Variants in PRTG observed in about 807,000 individuals in gnomAD.
The protein encoded by PRTG is protogenin.
PRTG carries 67 observed loss-of-function variants against 122.5 expected under a neutral mutation model. That is an observed-to-expected ratio of 0.55 (90% confidence interval 0.45 to 0.67). The LOEUF (loss-of-function observed/expected upper bound fraction) is 0.67, where lower values mean the gene tolerates loss of function less well. Ranked by LOEUF, PRTG falls within the 30% of genes least tolerant of loss-of-function variation. PRTG has a pLI of 0.00. For synonymous variants in PRTG, 554 were observed against 501.1 expected (o/e 1.11, Z -1.41); for missense variants, 1,435 against 1,415.4 (o/e 1.01, Z -0.22).
At chr15:55,730,707 G>A (rs1343612931) in intron 2 of PRTG, among the ~76,000 whole-genome samples, 1 of 152,122 alleles carries the variant, frequency 6.6e-6, no homozygotes, top group Non-Finnish European at 1.5e-5. Context: ...GGCTGAGGCA[G>A]GAGAATGGCA....
chr15:55,640,967 A>C lies in PRTG; in HGVS notation c.2137+146T>G, dbSNP rs144605634. 9.9e-5 allele frequency: 52 copies of C among 524,484 alleles called. No homozygotes were observed. The East Asian group carries it at 1.6e-3, about 16-fold the overall frequency. The allele number at this position is 524,484 out of a possible 1,614,324, so 32.5% of individuals were successfully genotyped here. ...CGGGAGGCAACAAACAAACAAACAA[A>C]ACAAAAAAACTACGCTATACAGCAC... On this transcript the variant is annotated intron_variant, in intron 12 of 19. Transcript: ENST00000389286.
chr15:55,624,794 T>C (rs2059185870), intron 17 of PRTG, among the ~76,000 whole-genome samples: 1 of 152,244 alleles, frequency 6.6e-6, no homozygotes, highest in African/African-American at 2.4e-5. Flanking sequence ...TTTTAACTTC[T>C]ATTTTCCCCT....
rs1567110553 is a variant in PRTG at position 55,711,192 on chromosome 15, G to A, written c.398-27261C>T. Among the ~76,000 whole-genome samples the A allele has an allele frequency of 2.6e-5, 4 of 151,214 alleles. No homozygotes were observed. In the South Asian group the frequency reaches 6.3e-4, roughly 24 times the overall value. ...CTGCTTTGGCCTCCCAAACTGTTGA[G>A]ATTACAGGCGTGAGCCACTGCGTCC... On this transcript the variant is annotated intron_variant, in intron 2 of 19. Coordinates refer to ENST00000389286, the MANE Select transcript of PRTG (RefSeq NM_173814.6).
chr15:55,623,248 A>G (rs2059176482), intron 18 of PRTG, among the ~76,000 whole-genome samples: 1 of 151,434 alleles, frequency 6.6e-6, no homozygotes, highest in East Asian at 1.9e-4. Flanking sequence ...ATCATCTTGG[A>G]TTTTTTTTTG....
intron 2 of PRTG, among the ~76,000 whole-genome samples, chr15:55,708,171 A>AC (rs2030222010): frequency 6.7e-6 from 1 of 149,978 alleles, no homozygotes; most frequent in Non-Finnish European, 1.5e-5. Flanking sequence ...AAAAAAAAAA[A>AC]AAAAAACAGA....
rs1465755534 is a variant in PRTG, at chr15:55,738,021, T to TACACACAC, written c.397+2360_397+2361insGTGTGTGT. On this transcript the variant is annotated intron_variant, in intron 2 of 19. Coordinates refer to ENST00000389286, the MANE Select transcript of PRTG (RefSeq NM_173814.6). ...CTCTCTCTATATATATATATATATATATATACACACACACACACACACACA... is the reference window on the plus strand; with the variant it reads ...CTCTCTCTATATATATATATATATATACACACACATATACACACACACACACACACACA... 2.5e-3 allele frequency among the ~76,000 whole-genome samples: 253 copies of TACACACAC among 102,864 alleles called. 1 individual carries two copies. The highest frequency in any genetic ancestry group is 7.5e-3 in the African/African-American group (207 of 27,756). 67.5% of individuals were successfully genotyped at this position (102,864 alleles called of 152,430 possible). A position where few individuals can be genotyped will look rare whatever the true frequency, so the allele number is the denominator to read the frequency against.
chr15:55,721,800 GA>G (rs1276569154), intron 2 of PRTG, among the ~76,000 whole-genome samples: 4 of 152,176 alleles, frequency 2.6e-5, no homozygotes, highest in Non-Finnish European at 5.9e-5. Context: ...CAGCAGGAAG[GA>G]AAAGAACAAG....
At chr15:55,646,508 G>A (rs1365680413) in intron 11 of PRTG, among the ~76,000 whole-genome samples, 1 of 145,232 alleles carries the variant, frequency 6.9e-6, no homozygotes, top group Non-Finnish European at 1.5e-5. Context: ...ATTTTTAGTA[G>A]AGACGGGGTT....
At position 55,618,650 on chromosome 15, in the gene PRTG, T is replaced by TA. The variant is rs2059150929; in HGVS notation, c.*1361dup. ...TGACACTGAAGGAAGATTAAGTAGA[T>TA]ACCATATTCTCTAAAGAATTCAAGA... On this transcript the variant is annotated 3_prime_UTR_variant, in exon 20 of 20. Transcript: ENST00000389286. The TA allele has an allele frequency of 6.6e-6, 1 of 152,166 alleles. No individual in the cohort carries two copies. The highest frequency in any genetic ancestry group is 6.6e-5 in the Admixed American group (1 of 15,256). The allele number at this position is 152,166 out of a possible 1,614,324, so 9.4% of individuals were successfully genotyped here. A position where few individuals can be genotyped will look rare whatever the true frequency, so the allele number is the denominator to read the frequency against.
chr15:55,659,796 G>C (rs767304541), intron 11 of PRTG, among the ~76,000 whole-genome samples: 6 of 152,126 alleles, frequency 3.9e-5, no homozygotes, highest in Admixed American at 6.5e-5. Flanking sequence ...GTGCACGCCT[G>C]AAGTCCCAGC....
chr15:55,626,344 G>T (rs890309442), intron 17 of PRTG, among the ~76,000 whole-genome samples: 1 of 151,952 alleles, frequency 6.6e-6, no homozygotes, highest in Admixed American at 6.6e-5. Context: ...AAAAGGTGAA[G>T]GTTGCAGTGA....
chr15:55,651,707 G>A (rs934748056), intron 11 of PRTG, among the ~76,000 whole-genome samples: 4 of 152,200 alleles, frequency 2.6e-5, no homozygotes, highest in African/African-American at 9.7e-5. Flanking sequence ...CTAGGTCTTT[G>A]TTGCTTTCAG....
At chr15:55,672,268 A>G (rs953421850) in intron 11 of PRTG, among the ~76,000 whole-genome samples, 177 bp downstream of exon 11, 1 of 152,204 alleles carries the variant, frequency 6.6e-6, no homozygotes, top group Non-Finnish European at 1.5e-5. Context: ...TGGACTCACA[A>G]TGGTAAGTCA....
rs1249014039 is a variant in PRTG, at chr15:55,638,685, A to G, written c.2325-9T>C. The G allele has an allele frequency of 6.2e-7, 1 of 1,608,368 alleles. No homozygotes were observed. The highest frequency in any genetic ancestry group is 1.1e-5 in the South Asian group (1 of 89,680). On this transcript the variant is annotated splice_polypyrimidine_tract_variant and intron_variant, in intron 13 of 19. Coordinates refer to ENST00000389286, the MANE Select transcript of PRTG (RefSeq NM_173814.6). Reference sequence around the variant, plus strand: ...ACATGTGAGTTTCTGATCTATAATAACGAGTGATGAAGTTGTTAATGCTGG... The same window carrying G: ...ACATGTGAGTTTCTGATCTATAATAGCGAGTGATGAAGTTGTTAATGCTGG...
chr15:55,715,338 T>C (rs2030559571), intron 2 of PRTG, among the ~76,000 whole-genome samples: 1 of 152,204 alleles, frequency 6.6e-6, no homozygotes, highest in Admixed American at 6.5e-5. Context: ...ATAAATACTC[T>C]CTTCAGATAA....
intron 2 of PRTG, among the ~76,000 whole-genome samples, chr15:55,725,597 A>G (rs1033493565): frequency 1.3e-5 from 2 of 152,054 alleles, no homozygotes; most frequent in Non-Finnish European, 1.5e-5. Context: ...CTGTCTCAAA[A>G]AAAAAAAAAT....
intron 2 of PRTG, among the ~76,000 whole-genome samples, chr15:55,701,276 C>T (rs903898807): frequency 6.6e-6 from 1 of 152,162 alleles, no homozygotes; most frequent in African/African-American, 2.4e-5. Context: ...GTGGCTCACG[C>T]CTGTAATCCC....
At position 55,646,180 on chromosome 15, in the gene PRTG, T is replaced by TG. The variant is rs2059321795; in HGVS notation, c.2042-4973_2042-4972insC. Among the ~76,000 whole-genome samples the TG allele has an allele frequency of 2.0e-5, 3 of 149,972 alleles. No individual in the cohort carries two copies. The South Asian group carries it at 6.4e-4, about 32-fold the overall frequency. On this transcript the variant is annotated intron_variant, in intron 11 of 19. Transcript: ENST00000389286. ...CACCACCATGCCCAGCTAGTTTTTTTTTTTTTTTTTTTTAGTACAGACGGG... is the reference window on the plus strand; with the variant it reads ...CACCACCATGCCCAGCTAGTTTTTTTGTTTTTTTTTTTTTAGTACAGACGGG...
At chr15:55,711,892 C>T (rs1009189664) in intron 2 of PRTG, among the ~76,000 whole-genome samples, 1 of 152,010 alleles carries the variant, frequency 6.6e-6, no homozygotes, top group Non-Finnish European at 1.5e-5. Flanking sequence ...AGGATATTGC[C>T]CCAATTTTAA....
Sources: gnomAD v4.1 joint callset for allele counts (sites outside exome capture counted in the v4.1 genomes callset) on GRCh38, gnomAD v4.1.1 for gene constraint, MANE v1.5 for transcripts, NCBI Gene and HGNC (gene_info 2026-07-23, HGNC 2026-07-21) for gene names.